The following CAMTA1 variants were observed in gnomAD, a reference collection of about 807,000 sequenced individuals.
CAMTA1 encodes the protein calmodulin-binding transcription activator 1.
In CAMTA1, 27 loss-of-function variants were observed where a neutral mutation model predicts 170.9. The observed-to-expected ratio is 0.16, with a 90% CI of 0.12 to 0.22. The LOEUF is 0.22. CAMTA1 is among the 10% of genes least tolerant of loss of function. CAMTA1 has a pLI of 1.00. For missense variants in CAMTA1, 1,619 were observed against 2,217.2 expected (o/e 0.73, Z 5.42); for synonymous variants, 833 against 891.5 (o/e 0.93, Z 1.17).
intron 6 of CAMTA1, among the ~76,000 whole-genome samples, chr1:7,636,662 T>A (rs941043456): frequency 6.6e-6 from 1 of 150,780 alleles, no homozygotes; most frequent in Non-Finnish European, 1.5e-5. Flanking sequence ...TGAGCCGAGA[T>A]CATGCCATTG....
chr1:7,712,871 A>G (rs1173774680), intron 11 of CAMTA1, among the ~76,000 whole-genome samples: 1 of 152,148 alleles, frequency 6.6e-6, no homozygotes, highest in Non-Finnish European at 1.5e-5. Flanking sequence ...AGGCGAGAGG[A>G]CGTGTGCAGG....
chr1:7,188,030 A>G (rs1477859441), intron 4 of CAMTA1, among the ~76,000 whole-genome samples: 1 of 152,212 alleles, frequency 6.6e-6, no homozygotes, highest in African/African-American at 2.4e-5. Flanking sequence ...GTGGAAGCTA[A>G]GGGGAAACAG....
At chr1:6,903,702 A>T (rs1437324716) in intron 3 of CAMTA1, among the ~76,000 whole-genome samples, 3 of 152,160 alleles carry the variant, frequency 2.0e-5, no homozygotes, top group Non-Finnish European at 4.4e-5. Flanking sequence ...CATCTGTAGA[A>T]CCTCAGTGTT....
rs1694048321 is a variant in CAMTA1, at chr1:6,979,459, G to T, written c.235-111845G>T. ...TGGGGAGGAGTCTCTGGGAAGAGCA[G>T]CCCTTGTTGGATTCCTGCATTTTGC... On this transcript the variant is annotated intron_variant, in intron 3 of 22. Transcript: ENST00000303635. Among the ~76,000 whole-genome samples the T allele has an allele frequency of 1.3e-5, 2 of 152,222 alleles. 1 individual carries two copies. The highest frequency in any genetic ancestry group is 4.1e-4 in the South Asian group (2 of 4,836).
Position 7,192,106 on chromosome 1 carries a change from G to A in CAMTA1, c.303-57385G>A, listed in dbSNP as rs138220044. ...TCTGAGATGCATTATTTGGATAATC[G>A]CATGTCAAGATGCATTTGTCTGTCT... On this transcript the variant is annotated intron_variant, in intron 4 of 22. Coordinates refer to ENST00000303635, the MANE Select transcript of CAMTA1 (RefSeq NM_015215.4). Among the ~76,000 whole-genome samples the A allele has an allele frequency of 5.3e-5, 8 of 152,302 alleles. No homozygotes were observed. The East Asian group carries it at 5.8e-4, about 11-fold the overall frequency.
At chr1:6,861,167 G>A (rs1664544322) in intron 3 of CAMTA1, among the ~76,000 whole-genome samples, 2 of 151,954 alleles carry the variant, frequency 1.3e-5, no homozygotes, top group South Asian at 4.2e-4. Flanking sequence ...CGTTGTCCAG[G>A]CTGTTCTTGA....
intron 5 of CAMTA1, among the ~76,000 whole-genome samples, chr1:7,323,507 C>CTTTTTTTTTTT (rs56382342): frequency 3.5e-3 from 383 of 109,030 alleles, no homozygotes; most frequent in Non-Finnish European, 5.2e-3. Flanking sequence ...CTTTATTCTT[C>CTTTTTTTTTTT]TTTTTTTTTT....
At chr1:6,820,978 C>A (rs1422919536) in intron 2 of CAMTA1, among the ~76,000 whole-genome samples, 1 of 152,050 alleles carries the variant, frequency 6.6e-6, no homozygotes, top group Non-Finnish European at 1.5e-5. Context: ...TGTAGATAAA[C>A]AGTGAGAAGT....
intron 5 of CAMTA1, among the ~76,000 whole-genome samples, chr1:7,257,584 G>GTC (rs2149341614): frequency 6.6e-6 from 1 of 151,962 alleles, no homozygotes; most frequent in South Asian, 2.1e-4. Context: ...GAGGGTCTGT[G>GTC]CGTACTCTTG....
At chr1:7,721,313 GGTAA>G (rs2096648152) in intron 11 of CAMTA1, among the ~76,000 whole-genome samples, 1 of 152,102 alleles carries the variant, frequency 6.6e-6, no homozygotes, top group Admixed American at 6.6e-5. Context: ...TATGCTCTTG[GGTAA>G]GTAACAAATT....
intron 4 of CAMTA1, among the ~76,000 whole-genome samples, chr1:7,102,584 T>G (rs1642871065): frequency 6.6e-6 from 1 of 152,056 alleles, no homozygotes; most frequent in African/African-American, 2.4e-5. Context: ...AAAGAACAAA[T>G]GTATGCGCAA....
intron 5 of CAMTA1, among the ~76,000 whole-genome samples, chr1:7,343,207 A>G (rs1380096979): frequency 6.6e-6 from 1 of 152,224 alleles, no homozygotes; most frequent in African/African-American, 2.4e-5. Context: ...ACAATGGTGA[A>G]ATAAAACACA....
intron 5 of CAMTA1, among the ~76,000 whole-genome samples, chr1:7,376,800 G>A (rs1407687197): frequency 6.6e-6 from 1 of 152,138 alleles, no homozygotes; most frequent in African/African-American, 2.4e-5. Flanking sequence ...GAAGCCAATG[G>A]TACTGTCTGC....
chr1:7,557,177 G>A (rs548353611), intron 6 of CAMTA1, among the ~76,000 whole-genome samples: 1 of 152,092 alleles, frequency 6.6e-6, no homozygotes, highest in East Asian at 1.9e-4. Context: ...GCGTGGCAGT[G>A]TGTGCCTGTA....
At chr1:7,493,587 C>G (rs1216461299) in intron 6 of CAMTA1, among the ~76,000 whole-genome samples, 1 of 152,060 alleles carries the variant, frequency 6.6e-6, no homozygotes, top group African/African-American at 2.4e-5. Flanking sequence ...CACTTTAGAT[C>G]CTTCTCTGAC....
intron 11 of CAMTA1, among the ~76,000 whole-genome samples, chr1:7,679,846 G>A (rs544307921): frequency 1.3e-5 from 2 of 152,362 alleles, no homozygotes; most frequent in South Asian, 2.1e-4. Context: ...GCCCTGCAGA[G>A]AGCAGATCAG....
chr1:7,408,954 G>A (rs1256744863), intron 5 of CAMTA1, among the ~76,000 whole-genome samples: 1 of 152,162 alleles, frequency 6.6e-6, no homozygotes, highest in African/African-American at 2.4e-5. Flanking sequence ...CCATATGAAA[G>A]CAACAGAGGC....
intron 3 of CAMTA1, among the ~76,000 whole-genome samples, chr1:7,022,511 G>T (rs541359723): frequency 6.6e-6 from 1 of 152,356 alleles, no homozygotes; most frequent in East Asian, 1.9e-4. Flanking sequence ...AATTTGGTCA[G>T]TTCTTGGTTT....
At chr1:7,447,764 G>T (rs2092716488) in intron 5 of CAMTA1, among the ~76,000 whole-genome samples, 1 of 152,182 alleles carries the variant, frequency 6.6e-6, no homozygotes, top group Admixed American at 6.5e-5. Flanking sequence ...CTTGGAGGGT[G>T]GGGACACTGT....
Sources: gnomAD v4.1 joint callset for allele counts (sites outside exome capture counted in the v4.1 genomes callset) on GRCh38, gnomAD v4.1.1 for gene constraint, MANE v1.5 for transcripts, NCBI Gene and HGNC (gene_info 2026-07-23, HGNC 2026-07-21) for gene names.